Variants in FNIP1 observed in about 807,000 individuals in gnomAD.
The protein encoded by FNIP1 is folliculin interacting protein 1, also known as folliculin-interacting protein 1.
A neutral mutation model predicts 124.5 loss-of-function variants in FNIP1; 40 were observed. That is an observed-to-expected ratio of 0.32 (90% confidence interval 0.25 to 0.42). The LOEUF is 0.42. Ranked by LOEUF, FNIP1 falls within the 10% of genes least tolerant of loss-of-function variation. FNIP1 has a pLI of 1.00. For synonymous variants in FNIP1, 472 were observed against 470.6 expected, an observed-to-expected ratio of 1.00 and a Z score of -0.04; for missense variants, 1,176 against 1,403.7, an observed-to-expected ratio of 0.84 and a Z score of 2.59.
chr5:131,738,877 C>T (rs1770411060), intron 2 of FNIP1, among the ~76,000 whole-genome samples: 1 of 147,820 alleles, frequency 6.8e-6, no homozygotes, highest in Non-Finnish European at 1.5e-5. Context: ...AGTGCAGTGG[C>T]GTGATCCTGG....
Position 131,671,646 on chromosome 5 carries a change from A to T in FNIP1, c.2798T>A (p.Ile933Asn). 1.2e-6 allele frequency: 2 copies of T among 1,614,138 alleles called. No homozygotes were observed. The highest frequency in any genetic ancestry group is 1.7e-6 in the Non-Finnish European group (2 of 1,180,016). Residue 933 changes from isoleucine (I) to asparagine (N), a missense_variant, in exon 14 of 18, where the codon ATT (isoleucine) becomes AAT (asparagine). Coordinates refer to ENST00000510461, the MANE Select transcript of FNIP1 (RefSeq NM_133372.3). Reference protein sequence around the residue: ...KKIAVGTEWDIPRNESSDSAL... With the variant: ...KKIAVGTEWDNPRNESSDSAL... ...ACTGTCTGAACTTTCATTTCTTGGAATGTCCCATTCAGTTCCTACAGCAAT... is the reference window on the plus strand; with the variant it reads ...ACTGTCTGAACTTTCATTTCTTGGATTGTCCCATTCAGTTCCTACAGCAAT...
At chr5:131,664,400 C>G (rs989182601) in intron 15 of FNIP1, among the ~76,000 whole-genome samples, 1 of 151,664 alleles carries the variant, frequency 6.6e-6, no homozygotes, top group Non-Finnish European at 1.5e-5. Flanking sequence ...TTTGGGAGGC[C>G]GAGGTGGGAG....
intron 11 of FNIP1, among the ~76,000 whole-genome samples, chr5:131,693,314 A>ATAT (rs1276381944): frequency 1.8e-4 from 3 of 17,142 alleles, no homozygotes; most frequent in Non-Finnish European, 4.9e-4. Context: ...ATATATATAT[A>ATAT]TACACATATA....
intron 15 of FNIP1, among the ~76,000 whole-genome samples, chr5:131,664,900 AT>A (rs1211270452): frequency 6.6e-6 from 1 of 150,738 alleles, no homozygotes; most frequent in Non-Finnish European, 1.5e-5. Flanking sequence ...ATAAAAATAT[AT>A]ACTTATATAT....
chr5:131,752,294 C>T (rs915162500), intron 1 of FNIP1, among the ~76,000 whole-genome samples: 4 of 152,184 alleles, frequency 2.6e-5, no homozygotes, highest in Non-Finnish European at 4.4e-5. Context: ...CTGCCTGCCT[C>T]GGCCTCCCAA....
chr5:131,652,860 A>C (rs1767081041), intron 15 of FNIP1, among the ~76,000 whole-genome samples: 2 of 152,108 alleles, frequency 1.3e-5, no homozygotes, highest in African/African-American at 4.8e-5. Context: ...GCTACTTAGG[A>C]GGCTGAGGTG....
chr5:131,723,093 A>C (rs547568223), intron 3 of FNIP1, among the ~76,000 whole-genome samples: 184 of 152,348 alleles, frequency 1.2e-3, no homozygotes, highest in African/African-American at 4.3e-3. Context: ...TTTTATTTTA[A>C]GACATAGAGG....
At chr5:131,731,613 G>C (rs1264641048) in intron 2 of FNIP1, among the ~76,000 whole-genome samples, 3 of 151,294 alleles carry the variant, frequency 2.0e-5, no homozygotes, top group Non-Finnish European at 4.4e-5. Flanking sequence ...CTGCACTCCA[G>C]CCTGGGTGAC....
At chr5:131,717,192 G>A (rs1769497082) in intron 5 of FNIP1, among the ~76,000 whole-genome samples, 1 of 148,586 alleles carries the variant, frequency 6.7e-6, no homozygotes, top group Non-Finnish European at 1.5e-5. Context: ...CTGTGTCCAT[G>A]TGTTCTCATT....
chr5:131,715,445 C>G (rs1444624162), intron 6 of FNIP1, among the ~76,000 whole-genome samples: 1 of 152,084 alleles, frequency 6.6e-6, no homozygotes, highest in East Asian at 1.9e-4. Context: ...AAGATCACGC[C>G]ACTGCACTCC....
Position 131,791,658 on chromosome 5 carries a change from G to C in FNIP1, c.92+5172C>G, listed in dbSNP as rs182432675. ...AATGTGGGGAATTTCACATTTAAGT[G>C]GGGGAGGGCTGTTATAGAATAAAAT... On this transcript the variant is annotated intron_variant, in intron 1 of 17. Transcript: ENST00000510461. Among the ~76,000 whole-genome samples the C allele has an allele frequency of 8.5e-5, 13 of 152,324 alleles. No individual in the cohort carries two copies. In the East Asian group the frequency reaches 1.7e-3, roughly 20 times the overall value.
At chr5:131,773,301 C>T (rs900420470) in intron 1 of FNIP1, among the ~76,000 whole-genome samples, 3 of 152,140 alleles carry the variant, frequency 2.0e-5, no homozygotes, top group African/African-American at 4.8e-5. Flanking sequence ...AAAACCCCTG[C>T]TCAGGTTTCA....
At chr5:131,772,420 C>A (rs1160194831) in intron 1 of FNIP1, among the ~76,000 whole-genome samples, 12 of 144,952 alleles carry the variant, frequency 8.3e-5, no homozygotes, top group South Asian at 2.2e-4. Flanking sequence ...AAATTCAAAC[C>A]AAAAAAAAAA....
intron 2 of FNIP1, among the ~76,000 whole-genome samples, chr5:131,734,062 A>T (rs1447724856): frequency 5.3e-5 from 8 of 151,870 alleles, no homozygotes; most frequent in Non-Finnish European, 1.0e-4. Context: ...TCTTGGGAGG[A>T]TGTATGTGTT....
At chr5:131,669,872 C>T (rs909455335) in intron 15 of FNIP1, among the ~76,000 whole-genome samples, 6 of 149,956 alleles carry the variant, frequency 4.0e-5, no homozygotes, top group African/African-American at 1.5e-4. Context: ...ATGGTCACCA[C>T]TTCCATGCAA....
At chr5:131,655,799 T>C (rs1679669634) in intron 15 of FNIP1, among the ~76,000 whole-genome samples, 2 of 149,856 alleles carry the variant, frequency 1.3e-5, no homozygotes, top group South Asian at 4.2e-4. Context: ...GCGCCTGCAA[T>C]CCCAGCTACT....
intron 10 of FNIP1, among the ~76,000 whole-genome samples, chr5:131,703,648 G>C (rs1561664134): frequency 6.6e-6 from 1 of 152,164 alleles, no homozygotes; most frequent in Non-Finnish European, 1.5e-5. Context: ...TTTAATAAGG[G>C]GCATTCCTGA....
At chr5:131,745,230 G>A (rs1770636477) in intron 1 of FNIP1, among the ~76,000 whole-genome samples, 1 of 151,980 alleles carries the variant, frequency 6.6e-6, no homozygotes, top group South Asian at 2.1e-4. Context: ...ATACAAACTG[G>A]CACAACTCCT....
At chr5:131,783,374 A>C (rs1266193159) in intron 1 of FNIP1, among the ~76,000 whole-genome samples, 1 of 151,594 alleles carries the variant, frequency 6.6e-6, no homozygotes, top group Non-Finnish European at 1.5e-5. Context: ...TAGACACTTC[A>C]CCCCCCAAAA....
Sources: allele counts gnomAD v4.1 joint callset (sites outside exome capture counted in the v4.1 genomes callset), GRCh38; gene constraint gnomAD v4.1.1; transcripts MANE v1.5; gene names NCBI Gene and HGNC (gene_info 2026-07-23, HGNC 2026-07-21).